The following PARD3B variants were observed in gnomAD, a reference collection of about 807,000 sequenced individuals.
PARD3B encodes the protein par-3 family cell polarity regulator beta, also known as partitioning defective 3 homolog B.
PARD3B carries 103 observed loss-of-function variants against 130.2 expected under a neutral mutation model. The observed-to-expected ratio is 0.79, with a 90% CI of 0.67 to 0.93. The LOEUF (loss-of-function observed/expected upper bound fraction) is 0.93. Ranked by LOEUF, PARD3B falls within the 40% of genes least tolerant of loss-of-function variation. The pLI, the probability that PARD3B is intolerant of heterozygous loss-of-function variation, is 0.00. For synonymous variants in PARD3B, 583 were observed against 553.2 expected (o/e 1.05, Z -0.76); for missense variants, 1,609 against 1,499.2 (o/e 1.07, Z -1.21).
intron 1 of PARD3B, among the ~76,000 whole-genome samples, chr2:204,615,063 A>C (rs1481188398): frequency 6.6e-6 from 1 of 152,294 alleles, no homozygotes; most frequent in South Asian, 2.1e-4. Flanking sequence ...GTTTGTCTTA[A>C]TGTAGAAGAT....
At chr2:205,578,536 A>G (rs183792728) in intron 22 of PARD3B, among the ~76,000 whole-genome samples, 1 of 152,364 alleles carries the variant, frequency 6.6e-6, no homozygotes, top group South Asian at 2.1e-4. Context: ...CTACTATGAA[A>G]CATAAATAAA....
chr2:204,549,629 A>C (rs1180637740), intron 1 of PARD3B, among the ~76,000 whole-genome samples: 1 of 152,194 alleles, frequency 6.6e-6, no homozygotes, highest in Non-Finnish European at 1.5e-5. Flanking sequence ...TGCCCAGCCA[A>C]GGTTGAGAAT....
At chr2:204,859,146 T>A (rs962244073) in intron 2 of PARD3B, among the ~76,000 whole-genome samples, 12 of 152,090 alleles carry the variant, frequency 7.9e-5, no homozygotes, top group African/African-American at 2.7e-4. Flanking sequence ...TAATAGCCAA[T>A]TTTTTCTTTT....
intron 2 of PARD3B, among the ~76,000 whole-genome samples, chr2:204,832,260 AG>A (rs1411841349): frequency 1.3e-5 from 2 of 152,036 alleles, no homozygotes; most frequent in African/African-American, 4.8e-5. Context: ...CAAAAAAAAA[AG>A]CTATCATATT....
intron 1 of PARD3B, among the ~76,000 whole-genome samples, chr2:204,635,512 G>T (rs184005778): frequency 6.6e-6 from 1 of 152,114 alleles, no homozygotes; most frequent in Non-Finnish European, 1.5e-5. Context: ...GAATTAACAT[G>T]GTGCTTTTGG....
At chr2:204,643,524 AT>A (rs1559202609) in intron 1 of PARD3B, among the ~76,000 whole-genome samples, 1 of 152,204 alleles carries the variant, frequency 6.6e-6, no homozygotes, top group African/African-American at 2.4e-5. Flanking sequence ...CCTGTGACTC[AT>A]GGGGCCACAT....
intron 2 of PARD3B, among the ~76,000 whole-genome samples, chr2:204,719,030 A>G (rs1193256728): frequency 6.6e-6 from 1 of 152,228 alleles, no homozygotes; most frequent in Non-Finnish European, 1.5e-5. Flanking sequence ...GGGAGAAGTT[A>G]TGATCCAGTG....
chr2:205,141,016 A>G (rs2032904648), intron 10 of PARD3B, among the ~76,000 whole-genome samples: 1 of 152,186 alleles, frequency 6.6e-6, no homozygotes, highest in African/African-American at 2.4e-5. Context: ...GAAGAACTCT[A>G]CATCCACCGG....
At position 205,180,703 on chromosome 2, in the gene PARD3B, T is replaced by TA. The variant is rs1389243849; in HGVS notation, c.1924+4127dup. ...CATACCACCCACAGTTCTTGGTTTTTATTTTTTTTATTCCTGTCAAGCTGT... is the reference window on the plus strand; with the variant it reads ...CATACCACCCACAGTTCTTGGTTTTTAATTTTTTTTATTCCTGTCAAGCTGT... On this transcript the variant is annotated intron_variant, in intron 13 of 22. Coordinates refer to ENST00000406610, the MANE Select transcript of PARD3B (RefSeq NM_001302769.2). Among the ~76,000 whole-genome samples, 9 of 152,324 alleles carry TA rather than the reference T, an allele frequency of 5.9e-5. No individual in the cohort carries two copies. The East Asian group carries it at 1.7e-3, about 29-fold the overall frequency.
chr2:204,876,752 T>C (rs2045859384), intron 2 of PARD3B, among the ~76,000 whole-genome samples: 1 of 152,114 alleles, frequency 6.6e-6, no homozygotes, highest in African/African-American at 2.4e-5. Flanking sequence ...TAAAGGTATA[T>C]TTTACCAGTA....
intron 22 of PARD3B, among the ~76,000 whole-genome samples, chr2:205,611,958 G>T (rs1287536819): frequency 6.6e-6 from 1 of 152,112 alleles, no homozygotes; most frequent in African/African-American, 2.4e-5. Flanking sequence ...TTGGCTCAAA[G>T]CACACAGCAT....
chr2:204,824,787 G>A (rs1480879117), intron 2 of PARD3B, among the ~76,000 whole-genome samples: 2 of 152,122 alleles, frequency 1.3e-5, no homozygotes, highest in African/African-American at 4.8e-5. Flanking sequence ...GGCTTCTAAT[G>A]CTGAGGCTGT....
rs1261616034 is a variant in PARD3B, at chr2:205,604,532, G to T, written c.3261-10924G>T. Among the ~76,000 whole-genome samples, 4 of 152,098 alleles carry T rather than the reference G, an allele frequency of 2.6e-5. No homozygotes were observed. The South Asian group carries it at 8.3e-4, about 31-fold the overall frequency. On this transcript the variant is annotated intron_variant, in intron 22 of 22. Transcript: ENST00000406610. ...GGAATTCAAGATGAGATTTGGGTGG[G>T]GACACAGCCAAACCATATCATAGGG... is the stretch of plus-strand genomic sequence containing the variant.
chr2:205,507,582 A>G (rs1026294859), intron 21 of PARD3B, among the ~76,000 whole-genome samples: 44 of 152,100 alleles, frequency 2.9e-4, no homozygotes, highest in African/African-American at 1.1e-3. Context: ...AGTCAAGTCC[A>G]CCCAGACTCC....
chr2:205,432,804 A>G (rs907916384), intron 19 of PARD3B, among the ~76,000 whole-genome samples: 1 of 152,092 alleles, frequency 6.6e-6, no homozygotes, highest in Non-Finnish European at 1.5e-5. Flanking sequence ...AACTCCCTTC[A>G]AAAACTCCTA....
At chr2:205,022,166 G>A (rs1696660954) in intron 3 of PARD3B, among the ~76,000 whole-genome samples, 2 of 152,090 alleles carry the variant, frequency 1.3e-5, no homozygotes, top group Non-Finnish European at 2.9e-5. Context: ...AAGTAGACAT[G>A]TAATGCATGT....
intron 1 of PARD3B, among the ~76,000 whole-genome samples, chr2:204,575,992 T>C (rs903651408): frequency 1.2e-4 from 19 of 152,200 alleles, no homozygotes; most frequent in African/African-American, 4.6e-4. Context: ...TAGTCTAATA[T>C]CGTATCTCTG....
chr2:205,400,599 A>T (rs568898774), intron 18 of PARD3B, among the ~76,000 whole-genome samples: 57 of 151,994 alleles, frequency 3.8e-4, no homozygotes, highest in Non-Finnish European at 7.5e-4. Flanking sequence ...CGAAGATCAC[A>T]CCACTGCACC....
intron 2 of PARD3B, among the ~76,000 whole-genome samples, chr2:204,814,646 T>A: frequency 6.6e-6 from 1 of 151,956 alleles, no homozygotes; most frequent in East Asian, 1.9e-4. Context: ...GTTTCTGATG[T>A]TAGGGTGAAA....
Sources: gnomAD v4.1 joint callset for allele counts (sites outside exome capture counted in the v4.1 genomes callset) on GRCh38, gnomAD v4.1.1 for gene constraint, MANE v1.5 for transcripts, NCBI Gene and HGNC (gene_info 2026-07-23, HGNC 2026-07-21) for gene names.